Variants in PCTP observed in about 807,000 individuals in gnomAD.
The protein encoded by PCTP is START domain-containing protein 2.
PCTP carries 27 observed loss-of-function variants against 31.0 expected under a neutral mutation model. The observed-to-expected ratio is 0.87, with a 90% CI of 0.64 to 1.20. The LOEUF (loss-of-function observed/expected upper bound fraction) is 1.20, where lower values mean the gene tolerates loss of function less well. PCTP is among the 50% of genes most tolerant of loss of function. PCTP has a pLI of 0.00. For missense variants in PCTP, 287 were observed against 268.2 expected (o/e 1.07, Z -0.49); for synonymous variants, 108 against 101.2 (o/e 1.07, Z -0.40).
downstream of PCTP, chr17:55,777,527 G>A (rs1380057193): frequency 5.5e-6 from 2 of 362,218 alleles, no homozygotes; most frequent in African/African-American, 4.4e-5. Context: ...TCAGGTGTAG[G>A]TATCTTCATG....
At chr17:55,827,945 T>C (rs1905457080), downstream of PCTP, among the ~76,000 whole-genome samples, 1 of 152,142 alleles carries the variant, frequency 6.6e-6, no homozygotes, top group Non-Finnish European at 1.5e-5. Flanking sequence ...AAAGCAAGCA[T>C]GATGGAGTAG....
chr17:55,836,064 G>A (rs1203663709), intron 5 of PCTP, among the ~76,000 whole-genome samples: 2 of 152,146 alleles, frequency 1.3e-5, no homozygotes, highest in African/African-American at 4.8e-5. Flanking sequence ...CTTCTGTGTT[G>A]CAATAGGCTA....
intron 3 of PCTP, among the ~76,000 whole-genome samples, chr17:55,791,124 C>A (rs1301186871): frequency 2.0e-5 from 3 of 151,838 alleles, no homozygotes; most frequent in Non-Finnish European, 4.4e-5. Flanking sequence ...GAAACTGGAT[C>A]CCTTCCTTAC....
chr17:55,847,849 T>C, the PCTP span, among the ~76,000 whole-genome samples: 1 of 152,216 alleles, frequency 6.6e-6, no homozygotes, highest in Non-Finnish European at 1.5e-5. Context: ...CAATCTACTG[T>C]TCAGTCTACC....
chr17:55,791,705 G>T (rs891056039), intron 3 of PCTP, among the ~76,000 whole-genome samples: 191 of 152,264 alleles, frequency 1.3e-3, no homozygotes, highest in African/African-American at 4.4e-3. Context: ...TACACTGTTG[G>T]TGGGATTGTA....
the PCTP span, among the ~76,000 whole-genome samples, chr17:55,848,576 C>T: frequency 2.0e-5 from 3 of 152,216 alleles, no homozygotes; most frequent in African/African-American, 7.2e-5. Context: ...TACTTACCCC[C>T]TCCACAATTT....
intron 1 of PCTP, among the ~76,000 whole-genome samples, chr17:55,760,527 G>T (rs373035005): frequency 1.3e-5 from 2 of 152,180 alleles, no homozygotes; most frequent in South Asian, 4.1e-4. Context: ...CGGTGAATCT[G>T]AGCCCATGCT....
At chr17:55,788,671 T>C (rs1017928201) in intron 3 of PCTP, among the ~76,000 whole-genome samples, 6 of 152,202 alleles carry the variant, frequency 3.9e-5, no homozygotes, top group African/African-American at 1.4e-4. Context: ...AAAGCAAATA[T>C]AGCAAAATGT....
chr17:55,798,266 G>A (rs942516853), intron 3 of PCTP, among the ~76,000 whole-genome samples: 6 of 151,976 alleles, frequency 3.9e-5, no homozygotes, highest in African/African-American at 1.4e-4. Flanking sequence ...TCTCATAAGA[G>A]TGAAGAGGGA....
the PCTP span, among the ~76,000 whole-genome samples, chr17:55,848,566 T>C: frequency 2.0e-5 from 3 of 152,212 alleles, no homozygotes; most frequent in African/African-American, 7.2e-5. Context: ...TTCTTTCTAA[T>C]ACTTACCCCC....
At chr17:55,831,727 T>C (rs1470323645) in intron 5 of PCTP, among the ~76,000 whole-genome samples, 1 of 151,854 alleles carries the variant, frequency 6.6e-6, no homozygotes, top group African/African-American at 2.4e-5. Context: ...TGCACTAGAG[T>C]CCCAGATACG....
chr17:55,816,755 C>T (rs886750050), intron 3 of PCTP, among the ~76,000 whole-genome samples: 6 of 152,190 alleles, frequency 3.9e-5, no homozygotes, highest in African/African-American at 9.7e-5. Context: ...TGGCACACCA[C>T]GGTGTGTGTT....
At chr17:55,845,645 G>A (rs1906123615), downstream of PCTP, among the ~76,000 whole-genome samples, 1 of 152,098 alleles carries the variant, frequency 6.6e-6, no homozygotes, top group South Asian at 2.1e-4. Context: ...AAGTTACTGT[G>A]GTGCCCAGCG....
At chr17:55,792,325 GA>G (rs57600964) in intron 3 of PCTP, among the ~76,000 whole-genome samples, 33,398 of 140,282 alleles carry the variant, frequency 0.24, 5,697 homozygotes, top group African/African-American at 0.49. Flanking sequence ...ATAAAAAAAA[GA>G]AAAAAAAAAG....
chr17:55,846,860 G>T (rs1364252518), downstream of PCTP, among the ~76,000 whole-genome samples: 1 of 152,112 alleles, frequency 6.6e-6, no homozygotes, highest in Non-Finnish European at 1.5e-5. Context: ...ATTCTGCCAG[G>T]AGTCTCAGCT....
chr17:55,777,961 G>A (rs1055659003), downstream of PCTP, among the ~76,000 whole-genome samples: 3 of 152,078 alleles, frequency 2.0e-5, no homozygotes, highest in Admixed American at 2.0e-4. Context: ...AAGAGAATTG[G>A]CATGAAATGG....
chr17:55,762,721 T>C (rs1210432004), intron 1 of PCTP, among the ~76,000 whole-genome samples: 1 of 152,166 alleles, frequency 6.6e-6, no homozygotes, highest in East Asian at 1.9e-4. Context: ...TGATTGCCTC[T>C]TGGTCATAGG....
intron 5 of PCTP, among the ~76,000 whole-genome samples, chr17:55,832,182 C>T (rs745844894): frequency 5.9e-5 from 9 of 152,336 alleles, no homozygotes; most frequent in African/African-American, 1.4e-4. Flanking sequence ...TCTGTCACTA[C>T]GCCGTTGGAA....
chr17:55,752,964 G>GA (rs1372860385), intron 1 of PCTP, among the ~76,000 whole-genome samples: 5 of 152,078 alleles, frequency 3.3e-5, no homozygotes, highest in Non-Finnish European at 7.4e-5. Flanking sequence ...GTTGGTCTTG[G>GA]AACTCCTGGG....
Sources: allele counts gnomAD v4.1 joint callset (sites outside exome capture counted in the v4.1 genomes callset), GRCh38; gene constraint gnomAD v4.1.1; transcripts MANE v1.5; gene names NCBI Gene and HGNC (gene_info 2026-07-23, HGNC 2026-07-21).